Variants in ATP9B observed in about 807,000 individuals in gnomAD.
ATP9B encodes probable phospholipid-transporting ATPase IIB.
A neutral mutation model predicts 146.1 loss-of-function variants in ATP9B; 110 were observed. The ratio of observed to expected loss-of-function variants is 0.75; its 90% CI spans 0.65 to 0.88. The LOEUF (loss-of-function observed/expected upper bound fraction) is 0.88, where lower values mean the gene tolerates loss of function less well. Ranked by LOEUF, ATP9B falls within the 40% of genes least tolerant of loss-of-function variation. The probability of loss-of-function intolerance (pLI) is 0.00; values close to 1 mark genes in which losing one functional copy is unlikely to be tolerated. For synonymous variants in ATP9B, 604 were observed against 569.7 expected (o/e 1.06, Z -0.86); for missense variants, 1,499 against 1,496.4 (o/e 1.00, Z -0.03).
At chr18:79,292,490 C>T (rs1292125207) in intron 13 of ATP9B, among the ~76,000 whole-genome samples, 1 of 152,138 alleles carries the variant, frequency 6.6e-6, no homozygotes, top group Non-Finnish European at 1.5e-5. Context: ...AAGACGGCAA[C>T]AATTCTAGCT....
At chr18:79,247,708 GC>G (rs930745804) in intron 11 of ATP9B, among the ~76,000 whole-genome samples, 1 of 152,032 alleles carries the variant, frequency 6.6e-6, no homozygotes, top group Non-Finnish European at 1.5e-5. Flanking sequence ...ACGTGGTTTT[GC>G]TTCCCTGTTT....
intron 10 of ATP9B, among the ~76,000 whole-genome samples, chr18:79,210,551 C>A (rs2095574999): frequency 6.6e-6 from 1 of 152,200 alleles, no homozygotes; most frequent in Non-Finnish European, 1.5e-5. Flanking sequence ...GTCTGTGCAC[C>A]AGTTTTGGTC....
rs1434867079 is a variant in ATP9B at position 79,275,576 on chromosome 18, A to G, written c.1269-1478A>G. Among the ~76,000 whole-genome samples, 5 of 152,348 alleles carry G rather than the reference A, an allele frequency of 3.3e-5. No individual in the cohort carries two copies. In the East Asian group the frequency reaches 9.7e-4, roughly 29 times the overall value. On this transcript the variant is annotated intron_variant, in intron 12 of 29. Transcript: ENST00000426216. ...TCACATAGTCTTCAGCACAGCTGAT[A>G]AAGGTTTCGTCTCTAGCCCATTTGT...
chr18:79,316,245 G>A (rs142311993), intron 15 of ATP9B, among the ~76,000 whole-genome samples: 6 of 152,250 alleles, frequency 3.9e-5, no homozygotes, highest in South Asian at 2.1e-4. Context: ...ATGGCCGGTC[G>A]TGCAGGTGGA....
chr18:79,243,067 T>C (rs1568477768), intron 11 of ATP9B, among the ~76,000 whole-genome samples: 3 of 152,258 alleles, frequency 2.0e-5, no homozygotes, highest in Non-Finnish European at 4.4e-5. Flanking sequence ...TAACTATCCT[T>C]CATTCTTCTT....
chr18:79,327,194 A>C (rs1002686092), intron 15 of ATP9B, among the ~76,000 whole-genome samples: 1 of 152,250 alleles, frequency 6.6e-6, no homozygotes, highest in Admixed American at 6.5e-5. Flanking sequence ...TTAGAACCTA[A>C]GATTTTAAAA....
chr18:79,363,800 T>C (rs987731566), intron 26 of ATP9B: 6 of 152,198 alleles, frequency 3.9e-5, no homozygotes, highest in African/African-American at 1.4e-4. Context: ...GATCCTGGAA[T>C]GAGAGGCGTA....
intron 11 of ATP9B, among the ~76,000 whole-genome samples, chr18:79,220,181 T>C (rs527734997): frequency 3.3e-4 from 50 of 152,268 alleles, no homozygotes; most frequent in Admixed American, 2.2e-3. Flanking sequence ...AAAGTAGTTA[T>C]TGGTGGTAAG....
In ATP9B at chr18:79,089,982, A is replaced by G. The variant is rs138805368; in HGVS notation, c.120-6494A>G. Reference sequence around the variant, plus strand: ...TCTACTCTCTGTCTCCATAAGTCCAACTCTTTTTTAAGCTCCCACATGTGA... The same window carrying G: ...TCTACTCTCTGTCTCCATAAGTCCAGCTCTTTTTTAAGCTCCCACATGTGA... On this transcript the variant is annotated intron_variant, in intron 1 of 29. Coordinates refer to ENST00000426216, the MANE Select transcript of ATP9B (RefSeq NM_198531.5). Among the ~76,000 whole-genome samples, 156 of 151,732 alleles carry G rather than the reference A, an allele frequency of 1.0e-3. 2 individuals are homozygous for G. Among genetic ancestry groups the G allele is most frequent in the African/African-American group, 3.7e-3 (151 of 41,362 alleles).
chr18:79,203,883 C>A (rs531065580), intron 9 of ATP9B, among the ~76,000 whole-genome samples: 85 of 152,132 alleles, frequency 5.6e-4, no homozygotes, highest in African/African-American at 2.0e-3. Flanking sequence ...GGATATATAT[C>A]TTTTTTTTGT....
At chr18:79,284,081 A>T (rs1204224603) in intron 13 of ATP9B, among the ~76,000 whole-genome samples, 1 of 152,224 alleles carries the variant, frequency 6.6e-6, no homozygotes, top group Non-Finnish European at 1.5e-5. Flanking sequence ...GAATTGAATC[A>T]CATATAAGTT....
Position 79,323,067 on chromosome 18 carries a change from G to A in ATP9B, c.1774-6074G>A, listed in dbSNP as rs576652027. 2.7e-4 allele frequency among the ~76,000 whole-genome samples: 41 copies of A among 152,164 alleles called. No individual in the cohort carries two copies. In the South Asian group the frequency reaches 6.8e-3, roughly 25 times the overall value. On this transcript the variant is annotated intron_variant, in intron 15 of 29. Coordinates refer to ENST00000426216, the MANE Select transcript of ATP9B (RefSeq NM_198531.5). ...GATCAAATCGGTAATTGGGATACCCGTCACCTCAAGCATTTATCGTTGCTT... is the reference window on the plus strand; with the variant it reads ...GATCAAATCGGTAATTGGGATACCCATCACCTCAAGCATTTATCGTTGCTT...
intron 8 of ATP9B, among the ~76,000 whole-genome samples, chr18:79,183,365 CAATT>C (rs1421089567): frequency 6.6e-6 from 1 of 152,232 alleles, no homozygotes; most frequent in South Asian, 2.1e-4. Context: ...ATTAATTAAT[CAATT>C]AATCTTTCAC....
chr18:79,202,679 G>A (rs2095499464), intron 9 of ATP9B, among the ~76,000 whole-genome samples: 1 of 152,130 alleles, frequency 6.6e-6, no homozygotes, highest in Non-Finnish European at 1.5e-5. Context: ...CATGAGACTG[G>A]TAAAAAACTA....
chr18:79,219,208 A>G (rs560945097), intron 11 of ATP9B, among the ~76,000 whole-genome samples: 5 of 152,240 alleles, frequency 3.3e-5, no homozygotes, highest in African/African-American at 4.8e-5. Context: ...CTCAGGTGCA[A>G]TCACAGCTGG....
At chr18:79,284,012 G>GT (rs935061234) in intron 13 of ATP9B, among the ~76,000 whole-genome samples, 6 of 152,116 alleles carry the variant, frequency 3.9e-5, no homozygotes, top group African/African-American at 1.4e-4. Flanking sequence ...AAAACAACAG[G>GT]TTTTTTAGGA....
At chr18:79,171,292 T>C (rs1233798148) in intron 7 of ATP9B, among the ~76,000 whole-genome samples, 1 of 152,190 alleles carries the variant, frequency 6.6e-6, no homozygotes, top group Admixed American at 6.5e-5. Flanking sequence ...TTAAGACTGT[T>C]CATGTTTGAG....
intron 29 of ATP9B, 98 bp from the exon 30 acceptor site, chr18:79,377,149 T>G: frequency 1.4e-6 from 2 of 1,443,110 alleles, no homozygotes; most frequent in Non-Finnish European, 1.9e-6. Context: ...GTGGCAAGCT[T>G]AGACCGTCTG....
At chr18:79,121,574 G>A (rs535490513) in intron 4 of ATP9B, among the ~76,000 whole-genome samples, 4 of 152,246 alleles carry the variant, frequency 2.6e-5, no homozygotes, top group Admixed American at 2.0e-4. Flanking sequence ...AGACTCCAGT[G>A]GTAGAAGGAA....
Sources: gnomAD v4.1 joint callset for allele counts (sites outside exome capture counted in the v4.1 genomes callset) on GRCh38, gnomAD v4.1.1 for gene constraint, MANE v1.5 for transcripts, NCBI Gene and HGNC (gene_info 2026-07-23, HGNC 2026-07-21) for gene names.